YWHAE: variants seen among roughly 807,000 people sequenced by gnomAD.
YWHAE encodes 14-3-3 protein epsilon.
In YWHAE, 4 loss-of-function variants were observed where a neutral mutation model predicts 30.1. The observed-to-expected ratio is 0.13, with a 90% CI of 0.07 to 0.30. YWHAE has a LOEUF of 0.30. Ranked by LOEUF, YWHAE falls within the 10% of genes least tolerant of loss-of-function variation. The pLI is 1.00. For missense variants in YWHAE, 121 were observed against 315.9 expected, an observed-to-expected ratio of 0.38 and a Z score of 4.68; for synonymous variants, 118 against 111.8, an observed-to-expected ratio of 1.06 and a Z score of -0.35.
intron 1 of YWHAE, among the ~76,000 whole-genome samples, chr17:1,397,297 G>C (rs1027104516): frequency 2.0e-5 from 3 of 152,152 alleles, no homozygotes; most frequent in Non-Finnish European, 4.4e-5. Flanking sequence ...GGTTTCAAAG[G>C]AGGTAAAAAC....
At chr17:1,349,938 C>T (rs2072594769) in intron 5 of YWHAE, among the ~76,000 whole-genome samples, 1 of 145,076 alleles carries the variant, frequency 6.9e-6, no homozygotes, top group Non-Finnish European at 1.5e-5. Context: ...TTTTTAAAAA[C>T]TGCGAAAGTA....
chr17:1,359,882 AGAGG>A (rs1567962478), intron 4 of YWHAE, among the ~76,000 whole-genome samples: 2 of 116,874 alleles, frequency 1.7e-5, no homozygotes, highest in African/African-American at 3.3e-5. Flanking sequence ...CGCCCAGGCG[AGAGG>A]GAGAGGGAGA....
chr17:1,344,552 ATTTAGG>A lies in YWHAE; in HGVS notation c.*889_*894del, dbSNP rs1248568614. ...GGAGGCGCGATATTTGGCATTTTTAATTTAGGTTTGTTTTATTTAAGTTTAATGTTA... is the reference window on the plus strand; with the variant it reads ...GGAGGCGCGATATTTGGCATTTTTAATTTGTTTTATTTAAGTTTAATGTTA... On this transcript the variant is annotated 3_prime_UTR_variant, in exon 6 of 6. Transcript: ENST00000264335. The A allele has an allele frequency of 4.7e-6, 1 of 213,394 alleles. No individual in the cohort carries two copies. Among genetic ancestry groups the A allele is most frequent in the Non-Finnish European group, 9.5e-6 (1 of 105,276 alleles). The allele number at this position is 213,394 out of a possible 1,614,324, so 13.2% of individuals were successfully genotyped here.
intron 5 of YWHAE, among the ~76,000 whole-genome samples, chr17:1,351,391 T>C (rs1174792428): frequency 3.3e-5 from 5 of 150,252 alleles, no homozygotes; most frequent in African/African-American, 1.2e-4. Context: ...AAAAAAAAAA[T>C]AAAACACACA....
chr17:1,354,953 C>G (rs2072703665), intron 4 of YWHAE, among the ~76,000 whole-genome samples: 1 of 142,602 alleles, frequency 7.0e-6, no homozygotes, highest in South Asian at 2.3e-4. Context: ...TGAGCCACCG[C>G]GCCCAGCCTA....
intron 1 of YWHAE, among the ~76,000 whole-genome samples, chr17:1,379,880 G>A (rs535246311): frequency 5.9e-5 from 9 of 152,116 alleles, no homozygotes; most frequent in Admixed American, 1.3e-4. Context: ...TGTTCAGTAC[G>A]GTGAAAGAAC....
intron 1 of YWHAE, among the ~76,000 whole-genome samples, chr17:1,386,108 G>A (rs753109841): frequency 6.6e-6 from 1 of 152,138 alleles, no homozygotes; most frequent in Non-Finnish European, 1.5e-5. Context: ...GTAGTACTTT[G>A]CATGGCTGTT....
intron 1 of YWHAE, among the ~76,000 whole-genome samples, chr17:1,368,076 C>T (rs1323681755): frequency 1.3e-5 from 2 of 151,992 alleles, no homozygotes; most frequent in South Asian, 2.1e-4. Flanking sequence ...CATGGTGACA[C>T]CCCGTCTCTA....
At chr17:1,371,856 T>TGA (rs2073047900) in intron 1 of YWHAE, among the ~76,000 whole-genome samples, 1 of 151,528 alleles carries the variant, frequency 6.6e-6, no homozygotes, top group African/African-American at 2.4e-5. Flanking sequence ...TTTTTTTTTT[T>TGA]GAGACAGAAT....
At chr17:1,348,785 AG>A (rs1191180346) in intron 5 of YWHAE, among the ~76,000 whole-genome samples, 1 of 152,212 alleles carries the variant, frequency 6.6e-6, no homozygotes, top group Non-Finnish European at 1.5e-5. Context: ...GCATTTTGGG[AG>A]GCCGAGGCAG....
intron 1 of YWHAE, among the ~76,000 whole-genome samples, chr17:1,388,537 G>A (rs1162569871): frequency 1.4e-5 from 2 of 146,262 alleles, no homozygotes; most frequent in African/African-American, 2.5e-5. Flanking sequence ...AAAAAAAAAA[G>A]TGCTAGGATT....
chr17:1,398,341 C>CGCT (rs75078124), intron 1 of YWHAE, among the ~76,000 whole-genome samples: 13 of 148,614 alleles, frequency 8.7e-5, no homozygotes, highest in South Asian at 6.4e-4. Context: ...TTATCCCCCC[C>CGCT]CCCAACAGGA....
chr17:1,385,408 A>G (rs150974122), intron 1 of YWHAE, among the ~76,000 whole-genome samples: 156 of 152,296 alleles, frequency 1.0e-3, no homozygotes, highest in African/African-American at 3.7e-3. Flanking sequence ...GAAAAGGTAC[A>G]CAACGAAAAA....
intron 1 of YWHAE, among the ~76,000 whole-genome samples, chr17:1,386,520 A>C (rs1249019448): frequency 2.0e-5 from 3 of 152,230 alleles, no homozygotes; most frequent in South Asian, 4.1e-4. Context: ...TATTTGTCAA[A>C]TGAGTTTGGG....
At chr17:1,361,384 T>A in intron 3 of YWHAE, 86 bp from the exon 4 acceptor site, 1 of 1,132,150 alleles carries the variant, frequency 8.8e-7, no homozygotes, top group Non-Finnish European at 1.2e-6. Flanking sequence ...TTGTTCTATA[T>A]TATATAAAAT....
At chr17:1,399,852 C>T in intron 1 of YWHAE, 195 bp downstream of exon 1, 2 of 649,484 alleles carry the variant, frequency 3.1e-6, no homozygotes, top group Non-Finnish European at 5.3e-6. Context: ...CAGTTAAGGA[C>T]GGCGAAGGGG....
intron 5 of YWHAE, among the ~76,000 whole-genome samples, chr17:1,347,604 C>G (rs974707001): frequency 1.3e-5 from 2 of 151,978 alleles, no homozygotes; most frequent in South Asian, 2.1e-4. Flanking sequence ...TGATGGGCAC[C>G]CAACTGTTCT....
intron 5 of YWHAE, among the ~76,000 whole-genome samples, chr17:1,350,177 C>G (rs763453151): frequency 5.3e-5 from 8 of 151,366 alleles, no homozygotes; most frequent in Non-Finnish European, 8.8e-5. Flanking sequence ...GTCTCGAACT[C>G]CTGACCTCAG....
At chr17:1,379,743 G>A (rs557720424) in intron 1 of YWHAE, among the ~76,000 whole-genome samples, 1 of 152,264 alleles carries the variant, frequency 6.6e-6, no homozygotes, top group African/African-American at 2.4e-5. Flanking sequence ...ATGAAGGAAG[G>A]AGTACTTGAG....
Sources: gnomAD v4.1 joint callset for allele counts (sites outside exome capture counted in the v4.1 genomes callset) on GRCh38, gnomAD v4.1.1 for gene constraint, MANE v1.5 for transcripts, NCBI Gene and HGNC (gene_info 2026-07-23, HGNC 2026-07-21) for gene names.